The following NUP58 variants were observed in gnomAD, a reference collection of about 807,000 sequenced individuals.
NUP58 encodes nucleoporin 58.
A neutral mutation model predicts 70.1 loss-of-function variants in NUP58; 17 were observed. The ratio of observed to expected loss-of-function variants is 0.24; its 90% CI spans 0.17 to 0.36. The LOEUF (loss-of-function observed/expected upper bound fraction) is 0.36. Ranked by LOEUF, NUP58 falls within the 10% of genes least tolerant of loss-of-function variation. The probability of loss-of-function intolerance (pLI) is 1.00; values close to 1 mark genes in which losing one functional copy is unlikely to be tolerated. For synonymous variants in NUP58, 275 were observed against 257.6 expected, an observed-to-expected ratio of 1.07 and a Z score of -0.65; for missense variants, 644 against 701.5, an observed-to-expected ratio of 0.92 and a Z score of 0.93.
chr13:25,331,868 A>AT, intron 13 of NUP58: 2 of 1,163,774 alleles, frequency 1.7e-6, no homozygotes, highest in Non-Finnish European at 2.1e-6. Flanking sequence ...ATAACATTAG[A>AT]TTCTGAAATC....
At chr13:25,343,808 T>TATATATATATATATATATACAC (rs1393249662), downstream of NUP58, among the ~76,000 whole-genome samples, 2 of 34,566 alleles carry the variant, frequency 5.8e-5, no homozygotes, top group African/African-American at 3.2e-4. Flanking sequence ...TATATATGTA[T>TATATATATATATATATATACAC]ATATATATAT....
In NUP58 at chr13:25,338,736, G is replaced by T; in HGVS notation, c.1630+5G>T. On this transcript the variant is annotated splice_donor_5th_base_variant and intron_variant, in intron 15 of 15. Coordinates refer to ENST00000381736, the MANE Select transcript of NUP58 (RefSeq NM_014089.4). Reference sequence around the variant, plus strand: ...CCTCAGGAAGTCTTAGTGCAGGTTTGTGTGTTTCTGCCTGGATTTCAGGCA... The same window carrying T: ...CCTCAGGAAGTCTTAGTGCAGGTTTTTGTGTTTCTGCCTGGATTTCAGGCA... 6.2e-7 allele frequency: 1 copy of T among 1,605,242 alleles called. No individual in the cohort carries two copies.
At position 25,340,256 on chromosome 13, in the gene NUP58, T is replaced by A; in HGVS notation, c.*122T>A. 2 of 969,460 alleles carry A rather than the reference T, an allele frequency of 2.1e-6. No individual in the cohort carries two copies. The highest frequency in any genetic ancestry group is 2.8e-6 in the Non-Finnish European group (2 of 704,718). The allele number at this position is 969,460 out of a possible 1,614,324, so 60.1% of individuals were successfully genotyped here. The stretch of plus-strand genomic sequence containing the variant: ...TTTATAAAGTTTTGATATTTTTCCC[T>A]ACTCTGGAATTTGAACTTTCTTCAT... On this transcript the variant is annotated 3_prime_UTR_variant, in exon 16 of 16. Transcript: ENST00000381736.
intron 10 of NUP58, 66 bp from the exon 11 acceptor site, chr13:25,326,850 T>C: frequency 1.2e-6 from 1 of 850,524 alleles, no homozygotes; most frequent in African/African-American, 1.7e-5. Context: ...AGAATATTCC[T>C]TAATTTGGAT....
chr13:25,345,446 A>G (rs1306536994), downstream of NUP58, among the ~76,000 whole-genome samples: 1 of 152,204 alleles, frequency 6.6e-6, no homozygotes, highest in East Asian at 1.9e-4. Context: ...GAGAGGGAAT[A>G]CTATCTGTGG....
At chr13:25,326,028 CCAAA>C (rs769616614) in intron 10 of NUP58, among the ~76,000 whole-genome samples, 1 of 152,092 alleles carries the variant, frequency 6.6e-6, no homozygotes, top group Non-Finnish European at 1.5e-5. Flanking sequence ...CATTTCTCCC[CCAAA>C]CAGTTTGGGT....
chr13:25,312,860 T>A (rs772952741), intron 3 of NUP58, 23 bp from the exon 4 acceptor site: 4 of 1,561,212 alleles, frequency 2.6e-6, no homozygotes, highest in Non-Finnish European at 3.5e-6. Flanking sequence ...TTTGTTTGTT[T>A]ATTCATTTAT....
rs575333387 is a variant in NUP58, at chr13:25,326,336, C to CTT, written c.1032-568_1032-567dup. Among the ~76,000 whole-genome samples, 69 of 142,122 alleles carry CTT rather than the reference C, an allele frequency of 4.9e-4. 2 individuals carry two copies. The Middle Eastern group carries it at 0.029, about 60-fold the overall frequency. The allele number at this position is 142,122 out of a possible 152,430, so 93.2% of individuals were successfully genotyped here. ...CTCTGTATACTATTCAAGATACCTT[C>CTT]TTTTTTTTTTTTTATCTGTCTAGCA... On this transcript the variant is annotated intron_variant, in intron 10 of 15. Coordinates refer to ENST00000381736, the MANE Select transcript of NUP58 (RefSeq NM_014089.4).
intron 1 of NUP58, among the ~76,000 whole-genome samples, chr13:25,302,673 G>T (rs1316985078): frequency 6.6e-6 from 1 of 152,130 alleles, no homozygotes; most frequent in Non-Finnish European, 1.5e-5. Context: ...AGGTGGAGGG[G>T]TTCATAAAGT....
chr13:25,305,574 C>G (rs918900390), intron 1 of NUP58, among the ~76,000 whole-genome samples: 1 of 152,126 alleles, frequency 6.6e-6, no homozygotes, highest in Non-Finnish European at 1.5e-5. Flanking sequence ...AAAATCAGTA[C>G]TTCTCCTTTT....
intron 3 of NUP58, among the ~76,000 whole-genome samples, chr13:25,310,687 C>A (rs1395004016): frequency 1.3e-5 from 2 of 152,030 alleles, no homozygotes; most frequent in African/African-American, 4.8e-5. Context: ...GGTTGTAACC[C>A]CATACGTGAT....
chr13:25,336,912 A>ATT (rs75002041), intron 13 of NUP58, 24 bp from the exon 14 acceptor site: 4,227 of 1,249,650 alleles, frequency 3.4e-3, no homozygotes, highest in South Asian at 6.9e-3. Context: ...TTTCCCCCCC[A>ATT]TTTTTTTTTT....
chr13:25,333,562 A>C, intron 13 of NUP58: 1 of 985,384 alleles, frequency 1.0e-6, no homozygotes, highest in Non-Finnish European at 1.2e-6. Flanking sequence ...GCTAAACAAC[A>C]GTGATAACAA....
Position 25,301,893 on chromosome 13 carries a change from T to G in NUP58, c.107+13T>G. ...CGGGAGCGTCTAGGTAACCGCACTT[T>G]CTCGCCTTCCTGGGCCGGATTCACC... is the stretch of plus-strand genomic sequence containing the variant. On this transcript the variant is annotated intron_variant, in intron 1 of 15. Coordinates refer to ENST00000381736, the MANE Select transcript of NUP58 (RefSeq NM_014089.4). The G allele has an allele frequency of 1.3e-6, 2 of 1,582,310 alleles. No homozygotes were observed. The highest frequency in any genetic ancestry group is 1.7e-6 in the Non-Finnish European group (2 of 1,153,444).
intron 7 of NUP58, among the ~76,000 whole-genome samples, chr13:25,319,644 A>G (rs552607870): frequency 1.3e-5 from 2 of 152,210 alleles, no homozygotes; most frequent in Admixed American, 6.5e-5. Flanking sequence ...AGTCTGTTAA[A>G]TATTGAACAA....
rs1204423102 is a variant in NUP58, at chr13:25,301,880, G to A, written c.107G>A (p.Ser36Asn). The change falls in exon 1 of 16, where the codon AGC (serine) becomes AAC (asparagine). Residue 36 changes from serine to asparagine, a missense_variant and splice_region_variant. Ser to Asn is a conservative substitution (Grantham distance 46). Transcript: ENST00000381736. ...GVFSFGTGAS[S>N]NPSVGLNFGN... ...TTCTCCTTCGGAACGGGAGCGTCTA[G>A]GTAACCGCACTTTCTCGCCTTCCTG... is the stretch of plus-strand genomic sequence containing the variant. 2 of 1,606,354 alleles carry A rather than the reference G, an allele frequency of 1.2e-6. No homozygotes were observed. Among genetic ancestry groups the A allele is most frequent in the Admixed American group, 1.7e-5 (1 of 59,630 alleles).
chr13:25,330,736 C>T (rs2031571959), intron 12 of NUP58, among the ~76,000 whole-genome samples: 1 of 151,902 alleles, frequency 6.6e-6, no homozygotes, highest in Non-Finnish European at 1.5e-5. Context: ...TTCTTTGAGG[C>T]GGGTGGTTGG....
At chr13:25,335,691 A>G (rs976078455) in intron 13 of NUP58, 17 of 984,862 alleles carry the variant, frequency 1.7e-5, no homozygotes, top group Admixed American at 6.2e-5. Context: ...GTGTAGCAAA[A>G]TGTAGTTCCT....
downstream of NUP58, among the ~76,000 whole-genome samples, chr13:25,346,020 CCTTT>C (rs2137855136): frequency 6.6e-6 from 1 of 152,288 alleles, no homozygotes; most frequent in South Asian, 2.1e-4. Flanking sequence ...GGGGAGAACT[CCTTT>C]CTTGTCATCA....
Sources: gnomAD v4.1 joint callset for allele counts (sites outside exome capture counted in the v4.1 genomes callset) on GRCh38, gnomAD v4.1.1 for gene constraint, MANE v1.5 for transcripts, NCBI Gene and HGNC (gene_info 2026-07-23, HGNC 2026-07-21) for gene names.